The following IFIH1 variants were observed in gnomAD, a reference collection of about 807,000 sequenced individuals.
IFIH1 encodes interferon-induced helicase C domain-containing protein 1.
Under a neutral mutation model 107.4 loss-of-function variants are expected in IFIH1, and 125 were observed. The ratio of observed to expected loss-of-function variants is 1.16; its 90% CI spans 1.01 to 1.35. IFIH1 has a LOEUF of 1.35. IFIH1 is among the 40% of genes most tolerant of loss of function. IFIH1 has a pLI of 0.00. For synonymous variants in IFIH1, 458 were observed against 413.2 expected, an observed-to-expected ratio of 1.11 and a Z score of -1.31; for missense variants, 1,333 against 1,213.7, an observed-to-expected ratio of 1.10 and a Z score of -1.46.
intron 7 of IFIH1, 67 bp downstream of exon 7, chr2:162,281,261 A>T (rs1428522789): frequency 8.1e-7 from 1 of 1,235,992 alleles, no homozygotes; most frequent in Non-Finnish European, 1.2e-6. Context: ...TTATTTAATA[A>T]GACCAAGAAG....
At chr2:162,299,506 A>G (rs1683154703) in intron 3 of IFIH1, among the ~76,000 whole-genome samples, 1 of 152,074 alleles carries the variant, frequency 6.6e-6, no homozygotes, top group Non-Finnish European at 1.5e-5. Context: ...TCCATGGTGT[A>G]AATATTCACA....
At chr2:162,272,633 T>C (rs554794606) in intron 12 of IFIH1, among the ~76,000 whole-genome samples, 11 of 152,316 alleles carry the variant, frequency 7.2e-5, no homozygotes, top group African/African-American at 2.4e-4. Flanking sequence ...TAGGCCTCAA[T>C]GACATAATAT....
chr2:162,279,867 A>C (rs1280184817), intron 8 of IFIH1, 129 bp downstream of exon 8: 2 of 668,276 alleles, frequency 3.0e-6, no homozygotes, highest in Non-Finnish European at 2.6e-6. Flanking sequence ...CAATTAAAAA[A>C]AAACCTGAAA....
chr2:162,273,486 A>C (rs1263071093), intron 12 of IFIH1, among the ~76,000 whole-genome samples: 1 of 152,120 alleles, frequency 6.6e-6, no homozygotes, highest in East Asian at 1.9e-4. Flanking sequence ...CAGACATCCT[A>C]GGAAAGAGGA....
At chr2:162,315,780 T>C (rs1683480492) in intron 1 of IFIH1, among the ~76,000 whole-genome samples, 4 of 152,220 alleles carry the variant, frequency 2.6e-5, no homozygotes, top group Admixed American at 1.3e-4. Flanking sequence ...TCAATATAGA[T>C]TATTCTACCA....
intron 13 of IFIH1, among the ~76,000 whole-genome samples, chr2:162,271,224 A>G (rs1044973357): frequency 6.6e-6 from 1 of 152,080 alleles, no homozygotes; most frequent in Admixed American, 6.6e-5. Flanking sequence ...CACTCCTTCT[A>G]AGAGACCTTC....
rs754434877 is a variant in IFIH1, at chr2:162,277,506, A to T, written c.1953T>A (p.Asp651Glu). 5 of 1,577,978 alleles carry T rather than the reference A, an allele frequency of 3.2e-6. No homozygotes were observed. In the African/African-American group the frequency reaches 6.7e-5, roughly 21 times the overall value. Residue 651 changes from aspartate to glutamate, a missense_variant, in exon 10 of 16, where the codon GAT (aspartate) becomes GAA (glutamate). Physicochemically the swap from Asp to Glu is conservative, Grantham distance 45. Transcript: ENST00000649979. ...CATCTTCATCACCATCACAATACTCATCATCACCACCCTCATCACTATCAT... is the reference window on the plus strand; with the variant it reads ...CATCTTCATCACCATCACAATACTCTTCATCACCACCCTCATCACTATCAT... ...IEDDSDEGGD[D>E]EYCDGDEDED... is the part of the protein sequence containing the mutation.
At position 162,281,452 on chromosome 2, in the gene IFIH1, T is replaced by C. The variant is rs758163701; in HGVS notation, c.1400A>G (p.Lys467Arg). The C allele has an allele frequency of 6.2e-7, 1 of 1,612,552 alleles. No individual in the cohort carries two copies. Among genetic ancestry groups the C allele is most frequent in the African/African-American group, 1.3e-5 (1 of 74,952 alleles). Reference sequence around the variant, plus strand: ...GTTTTCTTTCTTGAGTCTATTGTTTTTCAACTTCTGCATCAAATAATGCCT... The same window carrying C: ...GTTTTCTTTCTTGAGTCTATTGTTTCTCAACTTCTGCATCAAATAATGCCT... ...IMRHYLMQKL[K>R]NNRLKKENKP... The change falls in exon 7 of 16, where the codon AAA (lysine) becomes AGA (arginine). Residue 467 changes from lysine to arginine, a missense_variant. Coordinates refer to ENST00000649979, the MANE Select transcript of IFIH1 (RefSeq NM_022168.4).
At chr2:162,295,185 T>G (rs905195941) in intron 3 of IFIH1, among the ~76,000 whole-genome samples, 3 of 152,038 alleles carry the variant, frequency 2.0e-5, no homozygotes, top group Non-Finnish European at 4.4e-5. Context: ...TAAATCCCTC[T>G]GGTTATCTAA....
At chr2:162,272,529 G>A (rs1691063606) in intron 12 of IFIH1, 142 bp from the exon 13 acceptor site, 1 of 665,554 alleles carries the variant, frequency 1.5e-6, no homozygotes, top group Non-Finnish European at 2.6e-6. Flanking sequence ...GGTAAAGTTA[G>A]TAAAGTTAGT....
Position 162,282,589 on chromosome 2 carries a change from T to G in IFIH1, c.1096-13A>C, listed in dbSNP as rs368712508. 5 of 1,569,670 alleles carry G rather than the reference T, an allele frequency of 3.2e-6. No individual in the cohort carries two copies. In the Admixed American group the frequency reaches 5.3e-5, roughly 17 times the overall value. On this transcript the variant is annotated splice_polypyrimidine_tract_variant and intron_variant, in intron 5 of 15. Transcript: ENST00000649979. ...CAACTAGCAGTACCTTAAAAAAATG[T>G]GAAGATTTTTTAAAAGAGAGAAAGT...
chr2:162,313,673 G>T (rs964260077), intron 1 of IFIH1, among the ~76,000 whole-genome samples: 1 of 152,146 alleles, frequency 6.6e-6, no homozygotes, highest in Non-Finnish European at 1.5e-5. Context: ...TAACCCAGCA[G>T]AGTTCAACTC....
chr2:162,270,605 C>T (rs1430131372), intron 13 of IFIH1, among the ~76,000 whole-genome samples: 1 of 152,054 alleles, frequency 6.6e-6, no homozygotes, highest in East Asian at 1.9e-4. Context: ...TTCTGGGGCA[C>T]CCAAAGGGAC....
At chr2:162,287,618 A>G (rs960919804) in intron 5 of IFIH1, among the ~76,000 whole-genome samples, 7 of 151,930 alleles carry the variant, frequency 4.6e-5, no homozygotes, top group Non-Finnish European at 7.4e-5. Context: ...CTTGATGTAG[A>G]TACCAAACCT....
At chr2:162,275,409 G>A (rs1040615271) in intron 11 of IFIH1, among the ~76,000 whole-genome samples, 18 of 152,138 alleles carry the variant, frequency 1.2e-4, no homozygotes, top group African/African-American at 4.3e-4. Context: ...CTGTGAGACT[G>A]AACTTGAGTT....
Position 162,277,681 on chromosome 2 carries a change from C to T in IFIH1, c.1778G>A (p.Gly593Glu), listed in dbSNP as rs1682722235. 2 of 1,602,542 alleles carry T rather than the reference C, an allele frequency of 1.2e-6. No homozygotes were observed. The highest frequency in any genetic ancestry group is 1.7e-6 in the Non-Finnish European group (2 of 1,174,874). Residue 593 changes from glycine (G) to glutamate (E), a missense_variant, in exon 10 of 16, where the codon GGA (glycine) becomes GAA (glutamate). Gly to Glu is a moderately conservative substitution (Grantham distance 98). Coordinates refer to ENST00000649979, the MANE Select transcript of IFIH1 (RefSeq NM_022168.4). ...TGCACAAACACGTTCTTTGCGATTT[C>T]CTTCTTTTGCAGCTGTGAAAAAATA... ...IQMEKKAAKE[G>E]NRKERVCAEH...
At chr2:162,290,084 C>G (rs1038233801) in intron 4 of IFIH1, among the ~76,000 whole-genome samples, 1 of 151,780 alleles carries the variant, frequency 6.6e-6, no homozygotes, top group Non-Finnish European at 1.5e-5. Context: ...AGTGTCTAAA[C>G]AAAGACCCAG....
chr2:162,300,957 G>T (rs1683183873), intron 3 of IFIH1, among the ~76,000 whole-genome samples: 1 of 152,042 alleles, frequency 6.6e-6, no homozygotes, highest in Non-Finnish European at 1.5e-5. Flanking sequence ...TTGGACTTTA[G>T]TCTATAAAAA....
In IFIH1 at chr2:162,318,026, G is replaced by A. The variant is rs1197144008; in HGVS notation, c.282C>T (p.Tyr94=). 10 of 1,614,194 alleles carry A rather than the reference G, an allele frequency of 6.2e-6. No homozygotes were observed. The highest frequency in any genetic ancestry group is 8.5e-6 in the Non-Finnish European group (10 of 1,180,030). Residue 94 remains tyrosine, a synonymous_variant, in exon 1 of 16, where the codon TAC becomes TAT. Coordinates refer to ENST00000649979, the MANE Select transcript of IFIH1 (RefSeq NM_022168.4). ...GCAAGTCCGTGAGCTCAGGGTTCAT[G>A]TAGCGGGCGGCCAGAGGGCTGCCGG... The part of the protein sequence containing the change: ...RRTGSPLAAR[Y]MNPELTDLPS...
Sources: gnomAD v4.1 joint callset for allele counts (sites outside exome capture counted in the v4.1 genomes callset) on GRCh38, gnomAD v4.1.1 for gene constraint, MANE v1.5 for transcripts, NCBI Gene and HGNC (gene_info 2026-07-23, HGNC 2026-07-21) for gene names.